MAST2: variants seen among roughly 807,000 people sequenced by gnomAD.
The protein encoded by MAST2 is microtubule associated serine/threonine kinase 2.
MAST2 carries 70 observed loss-of-function variants against 147.4 expected under a neutral mutation model. The observed-to-expected ratio is 0.47, with a 90% CI of 0.39 to 0.58. The LOEUF is 0.58. MAST2 is among the 20% of genes least tolerant of loss of function. The pLI, the probability that MAST2 is intolerant of heterozygous loss-of-function variation, is 0.00. For missense variants in MAST2, 2,080 were observed against 2,302.3 expected (o/e 0.90, Z 1.98); for synonymous variants, 869 against 896.8 (o/e 0.97, Z 0.55).
chr1:45,919,162 G>A (rs1653045747), intron 4 of MAST2, among the ~76,000 whole-genome samples: 1 of 152,044 alleles, frequency 6.6e-6, no homozygotes, highest in African/African-American at 2.4e-5. Context: ...ATAGTTAGAA[G>A]GCCACTAGGT....
intron 5 of MAST2, among the ~76,000 whole-genome samples, chr1:45,987,036 A>T (rs1644652982): frequency 6.6e-6 from 1 of 152,184 alleles, no homozygotes; most frequent in Admixed American, 6.5e-5. Flanking sequence ...TTATAAACTT[A>T]ATTTTGTTAA....
intron 1 of MAST2, among the ~76,000 whole-genome samples, chr1:45,820,887 C>CTT (rs1570223665): frequency 3.3e-5 from 2 of 59,920 alleles, no homozygotes; most frequent in South Asian, 5.2e-4. Flanking sequence ...ATTTCTCTTT[C>CTT]TTTCTCTTTT....
chr1:45,913,321 A>G (rs74944132), intron 4 of MAST2, among the ~76,000 whole-genome samples: 5,221 of 152,326 alleles, frequency 0.034, 297 homozygotes, highest in African/African-American at 0.12. Flanking sequence ...AGTTTCTTCC[A>G]GTCCCTTGCC....
chr1:45,912,429 A>G (rs184574740), intron 4 of MAST2, among the ~76,000 whole-genome samples: 6 of 152,186 alleles, frequency 3.9e-5, no homozygotes, highest in Admixed American at 1.3e-4. Flanking sequence ...TTTCTATTCT[A>G]TTTCATTTGT....
chr1:46,029,994 T>C, intron 20 of MAST2, 41 bp downstream of exon 20: 1 of 1,612,094 alleles, frequency 6.2e-7, no homozygotes, highest in Non-Finnish European at 8.5e-7. Flanking sequence ...GGGTCCTACC[T>C]GTTTGCCTAG....
chr1:45,808,498 C>T (rs970646010), intron 1 of MAST2, among the ~76,000 whole-genome samples: 33 of 152,204 alleles, frequency 2.2e-4, no homozygotes, highest in South Asian at 8.3e-4. Flanking sequence ...CGTGAGCCAC[C>T]GTGCCTGGCC....
intron 4 of MAST2, among the ~76,000 whole-genome samples, chr1:45,933,260 T>C (rs1303351075): frequency 6.9e-6 from 1 of 145,160 alleles, no homozygotes; most frequent in African/African-American, 2.6e-5. Flanking sequence ...GGGGGGCAAA[T>C]GTTGATGGTA....
Position 46,035,741 on chromosome 1 carries a change from C to T in MAST2, c.5072C>T (p.Pro1691Leu), listed in dbSNP as rs1174860435. ...ANLQDLENTT[P>L]AQPKNLSPRE... The stretch of plus-strand genomic sequence containing the variant: ...CTCCAGGATTTGGAAAACACAACTC[C>T]AGCCCAGCCTAAGAACCTGTCTCCC... Residue 1691 changes from proline (P) to leucine (L), a missense_variant, in exon 29 of 29, where the codon CCA becomes CTA. Pro to Leu is a moderately conservative substitution (Grantham distance 98). Coordinates refer to ENST00000361297, the MANE Select transcript of MAST2 (RefSeq NM_015112.3). This position sits in a 1 kb window ranked among gnomAD's most constrained non-coding sequence, Gnocchi z 5.5. 6 of 1,613,944 alleles carry T rather than the reference C, an allele frequency of 3.7e-6. No homozygotes were observed. The highest frequency in any genetic ancestry group is 4.2e-6 in the Non-Finnish European group (5 of 1,180,032).
chr1:45,849,086 C>T (rs1030983943), intron 3 of MAST2, among the ~76,000 whole-genome samples: 2 of 152,058 alleles, frequency 1.3e-5, no homozygotes, highest in Non-Finnish European at 2.9e-5. Flanking sequence ...TCAGAGAAGA[C>T]AAAAACAAAT....
At chr1:46,020,076 G>GA (rs1179400106) in intron 11 of MAST2, among the ~76,000 whole-genome samples, 1 of 152,162 alleles carries the variant, frequency 6.6e-6, no homozygotes, top group African/African-American at 2.4e-5. Flanking sequence ...ATACAGACAT[G>GA]AATAAAGCAC....
At chr1:45,978,969 T>G (rs1644287699) in intron 5 of MAST2, among the ~76,000 whole-genome samples, 2 of 152,158 alleles carry the variant, frequency 1.3e-5, no homozygotes, top group Admixed American at 1.3e-4. Flanking sequence ...GTGAATATAC[T>G]AAAAACCTCT....
At chr1:45,912,536 A>C (rs1217918086) in intron 4 of MAST2, among the ~76,000 whole-genome samples, 2 of 152,220 alleles carry the variant, frequency 1.3e-5, no homozygotes, top group Non-Finnish European at 2.9e-5. Flanking sequence ...GGTGTGACCC[A>C]CATTTGAAAA....
At chr1:45,817,727 G>A (rs537573057) in intron 1 of MAST2, among the ~76,000 whole-genome samples, 3 of 152,272 alleles carry the variant, frequency 2.0e-5, no homozygotes, top group African/African-American at 4.8e-5. Flanking sequence ...CTCATATCAT[G>A]AAAAGATGAA....
chr1:46,034,022 T>C, intron 27 of MAST2, 51 bp from the exon 28 acceptor site: 1 of 1,606,250 alleles, frequency 6.2e-7, no homozygotes, highest in Non-Finnish European at 8.5e-7. Flanking sequence ...GGGGGTCCAG[T>C]GTGTGCTGTG....
chr1:45,816,978 C>T (rs558689756), intron 1 of MAST2, among the ~76,000 whole-genome samples: 22 of 152,068 alleles, frequency 1.4e-4, no homozygotes, highest in African/African-American at 5.1e-4. Context: ...TGCCTGGCCC[C>T]AGAAGAAAGA....
At chr1:45,968,727 G>A (rs929750094) in intron 5 of MAST2, among the ~76,000 whole-genome samples, 6 of 151,728 alleles carry the variant, frequency 4.0e-5, no homozygotes, top group African/African-American at 1.5e-4. Flanking sequence ...TGAATTTATG[G>A]CTTTGTGTCT....
chr1:45,811,469 G>A (rs985870527), intron 1 of MAST2, among the ~76,000 whole-genome samples: 19 of 150,880 alleles, frequency 1.3e-4, no homozygotes, highest in African/African-American at 4.6e-4. Flanking sequence ...CTCTGGAGTA[G>A]CTGGGACTAC....
chr1:45,887,846 C>A (rs1266042081), intron 4 of MAST2, among the ~76,000 whole-genome samples: 1 of 152,098 alleles, frequency 6.6e-6, no homozygotes, highest in African/African-American at 2.4e-5. Flanking sequence ...ACATTTAAGA[C>A]CCTGTCTTTT....
At chr1:45,987,003 A>T (rs935935294) in intron 5 of MAST2, among the ~76,000 whole-genome samples, 8 of 152,148 alleles carry the variant, frequency 5.3e-5, no homozygotes, top group Non-Finnish European at 1.0e-4. Flanking sequence ...CTCTGAACCT[A>T]GAATTTGTGG....
Sources: allele counts gnomAD v4.1 joint callset (sites outside exome capture counted in the v4.1 genomes callset), GRCh38; gene constraint gnomAD v4.1.1; non-coding constraint Gnocchi (gnomAD v3.1); transcripts MANE v1.5; gene names NCBI Gene and HGNC (gene_info 2026-07-23, HGNC 2026-07-21).